The following DRD2 variants were observed in gnomAD, a reference collection of about 807,000 sequenced individuals.
DRD2 encodes the protein dopamine receptor D2.
In DRD2, 8 loss-of-function variants were observed where a neutral mutation model predicts 38.0. The observed-to-expected ratio is 0.21, with a 90% CI of 0.12 to 0.38. The LOEUF is 0.38. Among genes scored for constraint, DRD2 ranks in the 10% least tolerant of loss-of-function variants. The pLI is 1.00. For missense variants in DRD2, 403 were observed against 607.7 expected (o/e 0.66, Z 3.54); for synonymous variants, 230 against 238.6 (o/e 0.96, Z 0.33).
chr11:113,444,327 C>T (rs1278827656), intron 1 of DRD2, among the ~76,000 whole-genome samples: 1 of 152,136 alleles, frequency 6.6e-6, no homozygotes, highest in Non-Finnish European at 1.5e-5. Flanking sequence ...ATGAGCCACA[C>T]CCAGCTGGTG....
chr11:113,454,203 A>G lies in DRD2; in HGVS notation c.-32+20873T>C, dbSNP rs202010663. Among the ~76,000 whole-genome samples the G allele has an allele frequency of 2.6e-4, 40 of 152,274 alleles. No homozygotes were observed. In the East Asian group the frequency reaches 4.8e-3, roughly 18 times the overall value. On this transcript the variant is annotated intron_variant, in intron 1 of 7. Coordinates refer to ENST00000362072, the MANE Select transcript of DRD2 (RefSeq NM_000795.4). ...TGGAGAGCTAGTTGTTAAAATATTT[A>G]CCAGCGGACACTATATGGTCCTCTT...
At chr11:113,469,431 T>C (rs543274961) in intron 1 of DRD2, among the ~76,000 whole-genome samples, 16 of 152,354 alleles carry the variant, frequency 1.1e-4, no homozygotes, top group Non-Finnish European at 1.9e-4. Flanking sequence ...ATTCTCCTCC[T>C]TTTCTTGTTC....
rs545089692 is a variant in DRD2 at position 113,465,102 on chromosome 11, G to A, written c.-32+9974C>T. Among the ~76,000 whole-genome samples the A allele has an allele frequency of 2.7e-5, 4 of 148,488 alleles. No homozygotes were observed. In the East Asian group the frequency reaches 7.8e-4, roughly 29 times the overall value. On this transcript the variant is annotated intron_variant, in intron 1 of 7. Transcript: ENST00000362072. Reference sequence around the variant, plus strand: ...CTATAATCAGTTCCCCCACATAGCAGCCTCTGTGATTTTTTTTTTTTTTGA... The same window carrying A: ...CTATAATCAGTTCCCCCACATAGCAACCTCTGTGATTTTTTTTTTTTTTGA...
In DRD2 at chr11:113,424,508, G is replaced by A. The variant is rs75275037; in HGVS notation, c.144C>T (p.Ile48=). Residue 48 remains isoleucine (I), a synonymous_variant, in exon 2 of 8, where the codon ATC becomes ATT. Transcript: ENST00000362072. ...TGCACACCAGCACGTTGCCGAAGACGATGACAGCGATGAGCAGGGTGAGCA... is the reference window on the plus strand; with the variant it reads ...TGCACACCAGCACGTTGCCGAAGACAATGACAGCGATGAGCAGGGTGAGCA... ...ATLLTLLIAV[I]VFGNVLVCMA... 53 of 1,614,104 alleles carry A rather than the reference G, an allele frequency of 3.3e-5. No homozygotes were observed. Among genetic ancestry groups the A allele is most frequent in the Admixed American group, 6.7e-5 (4 of 60,014 alleles).
intron 1 of DRD2, among the ~76,000 whole-genome samples, chr11:113,436,215 G>T (rs1195735882): frequency 6.6e-6 from 1 of 152,102 alleles, no homozygotes; most frequent in South Asian, 2.1e-4. Flanking sequence ...CCTCAAAGAC[G>T]AATTGAAGGT....
rs143890565 is a variant in DRD2, at chr11:113,415,610, G to A, written c.534C>T (p.Asp178=). The change falls in exon 5 of 8, where the codon GAC becomes GAT. Residue 178 remains aspartate (D), a splice_region_variant and synonymous_variant. Coordinates refer to ENST00000362072, the MANE Select transcript of DRD2 (RefSeq NM_000795.4). Reference sequence around the variant, plus strand: ...GGTTGGCAATGATGCACTCGTTCTGGTCTGGGGGAGGGAGAGCCCGGGCAG... The same window carrying A: ...GGTTGGCAATGATGCACTCGTTCTGATCTGGGGGAGGGAGAGCCCGGGCAG... ...CPLLFGLNNA[D]QNECIIANPA... is the part of the protein sequence containing the mutation. 4.3e-6 allele frequency: 7 copies of A among 1,611,640 alleles called. No homozygotes were observed. The highest frequency in any genetic ancestry group is 5.9e-6 in the Non-Finnish European group (7 of 1,178,832).
At chr11:113,445,542 A>G (rs553072427) in intron 1 of DRD2, among the ~76,000 whole-genome samples, 1 of 152,328 alleles carries the variant, frequency 6.6e-6, no homozygotes, top group South Asian at 2.1e-4. Context: ...GCAGGCAAGG[A>G]TGCAGAAACT....
At chr11:113,442,721 T>C (rs1951106025) in intron 1 of DRD2, among the ~76,000 whole-genome samples, 1 of 152,206 alleles carries the variant, frequency 6.6e-6, no homozygotes, top group Admixed American at 6.5e-5. Flanking sequence ...CTAATTACCT[T>C]TGCAGCCCAG....
chr11:113,452,419 G>T (rs559089376), intron 1 of DRD2, among the ~76,000 whole-genome samples: 1 of 150,712 alleles, frequency 6.6e-6, no homozygotes, highest in Non-Finnish European at 1.5e-5. Context: ...AAGGGCTAGG[G>T]CCACTGGTGT....
chr11:113,449,014 C>T (rs182631524), intron 1 of DRD2, among the ~76,000 whole-genome samples: 45 of 152,236 alleles, frequency 3.0e-4, no homozygotes, highest in Non-Finnish European at 6.2e-4. Context: ...TCTTCTATGA[C>T]TCCCCTGAAG....
intron 1 of DRD2, among the ~76,000 whole-genome samples, chr11:113,437,760 G>C (rs1591288795): frequency 6.6e-6 from 1 of 152,018 alleles, no homozygotes; most frequent in East Asian, 1.9e-4. Context: ...GCTGCCTCTG[G>C]GTCCATCTGG....
intron 2 of DRD2, among the ~76,000 whole-genome samples, chr11:113,421,374 C>T (rs182897878): frequency 2.3e-3 from 354 of 152,190 alleles, no homozygotes; most frequent in African/African-American, 8.1e-3. Context: ...GGTAAGACCT[C>T]GGAGTGCTCA....
In DRD2 at chr11:113,424,648, C is replaced by T. The variant is rs1194567680; in HGVS notation, c.4G>A (p.Asp2Asn). ...TCATACCAGGACAGATTCAGTGGAT[C>T]CATCAGGGCGGTGGAGCCACTGGGT... M[D>N]PLNLSWYDDD... Residue 2 changes from aspartate to asparagine, a missense_variant, in exon 2 of 8, where the codon GAT (aspartate) becomes AAT (asparagine). By Grantham distance (23) the Asp-to-Asn change is conservative. Coordinates refer to ENST00000362072, the MANE Select transcript of DRD2 (RefSeq NM_000795.4). The T allele has an allele frequency of 6.2e-7, 1 of 1,614,084 alleles. No individual in the cohort carries two copies. The highest frequency in any genetic ancestry group is 1.1e-5 in the South Asian group (1 of 91,082).
intron 7 of DRD2, 54 bp downstream of exon 7, chr11:113,412,502 G>A: frequency 6.3e-7 from 1 of 1,597,264 alleles, no homozygotes; most frequent in East Asian, 2.2e-5. Flanking sequence ...GGACATGGCA[G>A]GGAATGGGAC....
At chr11:113,464,887 A>G (rs982564764) in intron 1 of DRD2, among the ~76,000 whole-genome samples, 15 of 152,090 alleles carry the variant, frequency 9.9e-5, no homozygotes, top group African/African-American at 3.6e-4. Context: ...TTCTTAAATC[A>G]TCCTTGGCTT....
chr11:113,420,366 G>T (rs1421705396), intron 2 of DRD2, among the ~76,000 whole-genome samples: 1 of 152,172 alleles, frequency 6.6e-6, no homozygotes, highest in Admixed American at 6.5e-5. Flanking sequence ...CCTATCTGGA[G>T]CCCAGAATAA....
intron 1 of DRD2, among the ~76,000 whole-genome samples, chr11:113,443,173 C>T (rs1306121422): frequency 2.6e-5 from 4 of 152,150 alleles, no homozygotes; most frequent in African/African-American, 9.7e-5. Context: ...TGGTCTCAGC[C>T]TCTTGCAAAT....
chr11:113,427,257 C>A lies in DRD2; in HGVS notation c.-31-2575G>T, dbSNP rs61905364. On this transcript the variant is annotated intron_variant, in intron 1 of 7. Coordinates refer to ENST00000362072, the MANE Select transcript of DRD2 (RefSeq NM_000795.4). ...TAATAAGAAAGGGATTTGGAAAACT[C>A]TTCTGTTCACTTCCCTTCCCTCTGC... 1.5e-3 allele frequency among the ~76,000 whole-genome samples: 226 copies of A among 152,256 alleles called. 1 individual carries two copies. The highest frequency in any genetic ancestry group is 2.5e-3 in the Non-Finnish European group (170 of 68,018).
intron 6 of DRD2, 71 bp from the exon 7 acceptor site, chr11:113,412,954 C>T (rs1332116661): frequency 7.3e-6 from 11 of 1,500,460 alleles, no homozygotes; most frequent in Admixed American, 2.0e-5. Flanking sequence ...ATCTCACTGG[C>T]CCCTCCCTTT....
Sources: gnomAD v4.1 joint callset for allele counts (sites outside exome capture counted in the v4.1 genomes callset) on GRCh38, gnomAD v4.1.1 for gene constraint, MANE v1.5 for transcripts, NCBI Gene and HGNC (gene_info 2026-07-23, HGNC 2026-07-21) for gene names.